EGFLAM: variants seen among roughly 807,000 people sequenced by gnomAD.
EGFLAM encodes EGF like, fibronectin type III and laminin G domains, also known as pikachurin.
EGFLAM carries 79 observed loss-of-function variants against 113.1 expected under a neutral mutation model. The ratio of observed to expected loss-of-function variants is 0.70; its 90% CI spans 0.58 to 0.84. The LOEUF is 0.84. Among genes scored for constraint, EGFLAM ranks in the 40% least tolerant of loss-of-function variants. EGFLAM has a pLI of 0.00. For missense variants in EGFLAM, 1,265 were observed against 1,291.6 expected (o/e 0.98, Z 0.32); for synonymous variants, 504 against 487.6 (o/e 1.03, Z -0.44).
chr5:38,427,294 C>CA, intron 14 of EGFLAM, 42 bp downstream of exon 14: 1 of 1,596,798 alleles, frequency 6.3e-7, no homozygotes. Flanking sequence ...CTTAAAAAGG[C>CA]AAATAGTAAC....
intron 12 of EGFLAM, among the ~76,000 whole-genome samples, chr5:38,420,675 T>C (rs1741792740): frequency 6.6e-6 from 1 of 152,212 alleles, no homozygotes; most frequent in Non-Finnish European, 1.5e-5. Flanking sequence ...AAATCAGCTA[T>C]AATCTGTTTC....
rs140783940 is a variant in EGFLAM at position 38,264,796 on chromosome 5, G to A, written c.97+5945G>A. Among the ~76,000 whole-genome samples the A allele has an allele frequency of 2.3e-4, 35 of 152,264 alleles. No homozygotes were observed. The East Asian group carries it at 4.1e-3, about 18-fold the overall frequency. ...GGGAAATCTTTAGCTCACAAAAGCC[G>A]TGGGGCACTAGAAGCTAGGTGCTAG... On this transcript the variant is annotated intron_variant, in intron 1 of 21. Transcript: ENST00000322350.
chr5:38,326,922 C>T (rs889138443), intron 1 of EGFLAM, among the ~76,000 whole-genome samples: 1 of 151,824 alleles, frequency 6.6e-6, no homozygotes, highest in Non-Finnish European at 1.5e-5. Flanking sequence ...CCTCAGCCTC[C>T]CAAGTAGCTG....
At chr5:38,406,478 C>A (rs999885497) in intron 7 of EGFLAM, among the ~76,000 whole-genome samples, 2 of 152,086 alleles carry the variant, frequency 1.3e-5, no homozygotes, top group Non-Finnish European at 2.9e-5. Flanking sequence ...CACAATCTGG[C>A]AAAAACATAT....
chr5:38,426,237 A>G (rs1016286008), intron 13 of EGFLAM, among the ~76,000 whole-genome samples: 2 of 152,098 alleles, frequency 1.3e-5, no homozygotes, highest in African/African-American at 2.4e-5. Flanking sequence ...GTATGTAAAT[A>G]TATATACATG....
intron 6 of EGFLAM, among the ~76,000 whole-genome samples, chr5:38,379,828 G>GAA (rs34833258): frequency 4.3e-5 from 6 of 140,184 alleles, no homozygotes; most frequent in Non-Finnish European, 9.5e-5. Flanking sequence ...CAGGCAAAAG[G>GAA]AAAAAAAAAA....
chr5:38,402,624 C>T (rs528323378), intron 6 of EGFLAM, among the ~76,000 whole-genome samples: 19 of 152,270 alleles, frequency 1.2e-4, no homozygotes, highest in African/African-American at 4.6e-4. Flanking sequence ...AGGTAAATTA[C>T]TTAACTACTC....
chr5:38,258,958 GTCTGCTTAAC>G, intron 1 of EGFLAM, 107 bp downstream of exon 1: 1 of 1,231,396 alleles, frequency 8.1e-7, no homozygotes, highest in African/African-American at 1.5e-5. Flanking sequence ...CCCGACCAAC[GTCTGCTTAAC>G]TCGCTTCAGC....
intron 14 of EGFLAM, among the ~76,000 whole-genome samples, chr5:38,429,490 G>A (rs988703727): frequency 2.6e-5 from 4 of 152,138 alleles, no homozygotes; most frequent in Non-Finnish European, 5.9e-5. Flanking sequence ...GGGAAGTTCA[G>A]CGAGGGCCAG....
At chr5:38,345,530 C>A (rs1739452269) in intron 3 of EGFLAM, 1 of 152,112 alleles carries the variant, frequency 6.6e-6, no homozygotes, top group African/African-American at 2.4e-5. Flanking sequence ...CCAGAAAGAA[C>A]CAGGCAAACA....
At chr5:38,300,021 A>G (rs1758538929) in intron 1 of EGFLAM, among the ~76,000 whole-genome samples, 1 of 152,218 alleles carries the variant, frequency 6.6e-6, no homozygotes, top group South Asian at 2.1e-4. Context: ...AGTACTATAG[A>G]AAAGTAAGAA....
intron 11 of EGFLAM, among the ~76,000 whole-genome samples, chr5:38,417,167 C>G (rs866826057): frequency 1.3e-5 from 2 of 151,916 alleles, no homozygotes; most frequent in Non-Finnish European, 2.9e-5. Flanking sequence ...GCCTGACCAA[C>G]GTGGTGAAAC....
chr5:38,463,610 G>T (rs1033781706), intron 21 of EGFLAM, among the ~76,000 whole-genome samples: 1 of 152,168 alleles, frequency 6.6e-6, no homozygotes, highest in African/African-American at 2.4e-5. Context: ...GCTTTTGATT[G>T]TGTAAAAACT....
At chr5:38,407,733 T>C (rs1006784067) in intron 8 of EGFLAM, 72 bp from the exon 9 acceptor site, 3 of 1,125,712 alleles carry the variant, frequency 2.7e-6, no homozygotes, top group African/African-American at 1.6e-5. Flanking sequence ...TCAGGCAACG[T>C]TGTATATTGA....
intron 3 of EGFLAM, among the ~76,000 whole-genome samples, chr5:38,341,200 G>A (rs530451015): frequency 1.3e-5 from 2 of 152,248 alleles, no homozygotes; most frequent in South Asian, 2.1e-4. Context: ...GTATTAGTCC[G>A]TTCTCACGCT....
At chr5:38,441,331 T>C (rs1054955120) in intron 17 of EGFLAM, among the ~76,000 whole-genome samples, 1 of 152,144 alleles carries the variant, frequency 6.6e-6, no homozygotes, top group Non-Finnish European at 1.5e-5. Flanking sequence ...ATTTGGTGGT[T>C]TCAGTTTCAG....
At chr5:38,438,536 T>C (rs1742434687) in intron 17 of EGFLAM, 81 bp downstream of exon 17, 5 of 1,333,604 alleles carry the variant, frequency 3.7e-6, no homozygotes, top group Middle Eastern at 2.6e-4. Context: ...CAACTCTTAA[T>C]GGAAGAGTTG....
intron 1 of EGFLAM, among the ~76,000 whole-genome samples, chr5:38,264,840 C>T (rs146668676): frequency 6.6e-6 from 1 of 152,280 alleles, no homozygotes; most frequent in East Asian, 1.9e-4. Flanking sequence ...CACACTCATC[C>T]CCAGCACCCA....
At chr5:38,328,628 T>C (rs1330362197) in intron 1 of EGFLAM, among the ~76,000 whole-genome samples, 1 of 152,152 alleles carries the variant, frequency 6.6e-6, no homozygotes, top group African/African-American at 2.4e-5. Context: ...TTTCGTTAAT[T>C]TAATAGGTGA....
Sources: gnomAD v4.1 joint callset for allele counts (sites outside exome capture counted in the v4.1 genomes callset) on GRCh38, gnomAD v4.1.1 for gene constraint, MANE v1.5 for transcripts, NCBI Gene and HGNC (gene_info 2026-07-23, HGNC 2026-07-21) for gene names.